The following JMJD6 variants were observed in gnomAD, a reference collection of about 807,000 sequenced individuals.
JMJD6 encodes the protein jumonji domain containing 6, arginine demethylase and lysine hydroxylase.
Under a neutral mutation model 45.8 loss-of-function variants are expected in JMJD6, and 17 were observed. The ratio of observed to expected loss-of-function variants is 0.37; its 90% CI spans 0.25 to 0.56. JMJD6 has a LOEUF of 0.56. Among genes scored for constraint, JMJD6 ranks in the 20% least tolerant of loss-of-function variants. The pLI is 0.79. For synonymous variants in JMJD6, 221 were observed against 196.3 expected (o/e 1.13, Z -1.05); for missense variants, 470 against 517.5 (o/e 0.91, Z 0.89).
intron 1 of JMJD6, 143 bp downstream of exon 1, chr17:76,726,204 G>A (rs2076928499): frequency 8.6e-7 from 1 of 1,168,248 alleles, no homozygotes; most frequent in African/African-American, 1.6e-5. Flanking sequence ...CGCGCCTCGG[G>A]GACCCCAAAC....
chr17:76,725,343 T>A, intron 2 of JMJD6, 124 bp downstream of exon 2: 1 of 902,574 alleles, frequency 1.1e-6, no homozygotes, highest in South Asian at 1.9e-5. Flanking sequence ...GAGATGGAGG[T>A]TGCTGTGAGC....
intron 3 of JMJD6, among the ~76,000 whole-genome samples, chr17:76,722,523 T>G (rs1384646984): frequency 6.6e-6 from 1 of 151,914 alleles, no homozygotes; most frequent in Non-Finnish European, 1.5e-5. Context: ...CCAGCCTGGG[T>G]AACAGTGAGA....
chr17:76,724,341 C>T (rs919851004), intron 2 of JMJD6, among the ~76,000 whole-genome samples: 5 of 151,692 alleles, frequency 3.3e-5, no homozygotes, highest in Admixed American at 6.6e-5. Flanking sequence ...AGGCTGGTCT[C>T]GAACTCCTGG....
rs914783618 is a variant in JMJD6, at chr17:76,718,474, T to C, written c.*255A>G. On this transcript the variant is annotated 3_prime_UTR_variant, in exon 6 of 6. Coordinates refer to ENST00000397625, the MANE Select transcript of JMJD6 (RefSeq NM_015167.3). ...GATAGAAAATGGATTCAATTTTTAT[T>C]AAATAATGTAAAGGATTTTCTTGGC... 2 of 1,308,520 alleles carry C rather than the reference T, an allele frequency of 1.5e-6. No homozygotes were observed. Among genetic ancestry groups the C allele is most frequent in the Non-Finnish European group, 1.9e-6 (2 of 1,032,982 alleles). 81.1% of individuals were successfully genotyped at this position (1,308,520 alleles called of 1,614,324 possible).
chr17:76,714,624 C>A (rs2076751750), downstream of JMJD6: 2 of 152,346 alleles, frequency 1.3e-5, no homozygotes, highest in African/African-American at 4.8e-5. Flanking sequence ...CTGCTGAATC[C>A]CTGGCCTGGC....
downstream of JMJD6, chr17:76,716,672 G>C (rs748189143): frequency 5.6e-6 from 9 of 1,613,970 alleles, no homozygotes; most frequent in Non-Finnish European, 7.6e-6. Context: ...CTCAGGGAGA[G>C]TCTCTTTATC....
Position 76,725,788 on chromosome 17 carries a change from G to A in JMJD6, c.197C>T (p.Pro66Leu). The A allele has an allele frequency of 6.2e-7, 1 of 1,613,842 alleles. No homozygotes were observed. The highest frequency in any genetic ancestry group is 8.5e-7 in the Non-Finnish European group (1 of 1,180,006). The change falls in exon 2 of 6, where the codon CCT (proline) becomes CTT (leucine). Residue 66 changes from proline to leucine, a missense_variant. By Grantham distance (98) the Pro-to-Leu change is moderately conservative (BLOSUM62 -3). Around this residue, in one of 4 missense-constraint regions of JMJD6, gnomAD observed 346 missense variants for 339.5 expected, o/e 1.02. Transcript: ENST00000397625. ...VEEFVERYER[P>L]YKPVVLLNAQ... ...ATTCAACAAAACCACGGGCTTGTAAGGTCTTTCATACCGCTCCACAAATTC... is the reference window on the plus strand; with the variant it reads ...ATTCAACAAAACCACGGGCTTGTAAAGTCTTTCATACCGCTCCACAAATTC...
At chr17:76,724,973 G>A (rs985884381) in intron 2 of JMJD6, among the ~76,000 whole-genome samples, 75 of 152,256 alleles carry the variant, frequency 4.9e-4, no homozygotes, top group Middle Eastern at 6.8e-3. Flanking sequence ...GGCATCACCC[G>A]AATTAAATCA....
At chr17:76,713,691 C>A (rs1207834875), downstream of JMJD6, 1 of 152,200 alleles carries the variant, frequency 6.6e-6, no homozygotes, top group African/African-American at 2.4e-5. Context: ...CCATCCTATA[C>A]TCGTCTAAAG....
At chr17:76,716,563 G>A (rs2076765572), downstream of JMJD6, 1 of 874,184 alleles carries the variant, frequency 1.1e-6, no homozygotes, top group Non-Finnish European at 1.9e-6. Flanking sequence ...CTTGGACCAG[G>A]GAAGGAATAT....
rs1464141406 is a variant in JMJD6, at chr17:76,718,672, C to T, written c.*57G>A. On this transcript the variant is annotated 3_prime_UTR_variant, in exon 6 of 6. Coordinates refer to ENST00000397625, the MANE Select transcript of JMJD6 (RefSeq NM_015167.3). ...TGCAGGACTGGACAGGCCACCCTCC[C>T]CAGGCCCTGCCCTTGCCGCGAGCGT... The T allele has an allele frequency of 7.6e-6, 12 of 1,587,554 alleles. No individual in the cohort carries two copies. The East Asian group carries it at 2.5e-4, about 33-fold the overall frequency.
chr17:76,726,572 T>C lies in JMJD6; in HGVS notation c.-97A>G, dbSNP rs2143762632. On this transcript the variant is annotated 5_prime_UTR_variant, in exon 1 of 6. Coordinates refer to ENST00000397625, the MANE Select transcript of JMJD6 (RefSeq NM_015167.3). Reference sequence around the variant, plus strand: ...CCGGCCTGGGCGGCGGCGACGGCAGTACCCAAACGCCCTTCGCTCAGTCCC... The same window carrying C: ...CCGGCCTGGGCGGCGGCGACGGCAGCACCCAAACGCCCTTCGCTCAGTCCC... The C allele has an allele frequency of 6.9e-7, 1 of 1,445,686 alleles. No individual in the cohort carries two copies. 89.6% of individuals were successfully genotyped at this position (1,445,686 alleles called of 1,614,324 possible).
intron 4 of JMJD6, among the ~76,000 whole-genome samples, 192 bp downstream of exon 4, chr17:76,721,606 C>G (rs1236271723): frequency 1.3e-5 from 2 of 152,192 alleles, no homozygotes; most frequent in Non-Finnish European, 2.9e-5. Context: ...ACCCTGCCAC[C>G]TCGAGGCTGG....
chr17:76,720,586 G>A (rs536017525), intron 4 of JMJD6, 88 bp from the exon 5 acceptor site: 2 of 1,348,038 alleles, frequency 1.5e-6, no homozygotes, highest in Non-Finnish European at 2.1e-6. Flanking sequence ...GTGTCTCTCA[G>A]AAACACCTGG....
Position 76,726,498 on chromosome 17 carries a change from C to T in JMJD6, c.-23G>A. 5.1e-6 allele frequency: 8 copies of T among 1,580,320 alleles called. No individual in the cohort carries two copies. Among genetic ancestry groups the T allele is most frequent in the Non-Finnish European group, 6.0e-6 (7 of 1,164,178 alleles). On this transcript the variant is annotated 5_prime_UTR_variant, in exon 1 of 6. Coordinates refer to ENST00000397625, the MANE Select transcript of JMJD6 (RefSeq NM_015167.3). ...CATTCTGCGGGGTCGCCAGCTGGTT[C>T]CGCTACGACCTCGGCGCAGCCCGCT...
At chr17:76,713,646 A>G (rs1353395188), downstream of JMJD6, 1 of 152,220 alleles carries the variant, frequency 6.6e-6, no homozygotes, top group Non-Finnish European at 1.5e-5. Context: ...TTCCTCCTAC[A>G]CAGCATTTTT....
chr17:76,726,397 T>G lies in JMJD6; in HGVS notation c.79A>C (p.Thr27Pro). The change falls in exon 1 of 6, where the codon ACC (threonine) becomes CCC (proline). Residue 27 changes from threonine to proline, a missense_variant. By Grantham distance (38) the Thr-to-Pro change is conservative. Coordinates refer to ENST00000397625, the MANE Select transcript of JMJD6 (RefSeq NM_015167.3). Reference protein sequence around the residue: ...RPELKDSLDWTRHNYYESFSL... With the variant: ...RPELKDSLDWPRHNYYESFSL... ...AAGCTCTCGTAGTAGTTGTGCCGGG[T>G]CCAATCCAGCGAGTCCTTGAGCTCC... The G allele has an allele frequency of 6.2e-7, 1 of 1,605,244 alleles. No individual in the cohort carries two copies. The highest frequency in any genetic ancestry group is 8.5e-7 in the Non-Finnish European group (1 of 1,176,744).
At position 76,725,492 on chromosome 17, in the gene JMJD6, C is replaced by T. The variant is rs1397907436; in HGVS notation, c.493G>A (p.Gly165Arg). 13 of 1,613,622 alleles carry T rather than the reference C, an allele frequency of 8.1e-6. No individual in the cohort carries two copies. The highest frequency in any genetic ancestry group is 1.1e-5 in the Non-Finnish European group (13 of 1,179,886). Residue 165 changes from glycine (G) to arginine (R), a missense_variant, in exon 2 of 6, where the codon GGG (glycine) becomes AGG (arginine). Gly to Arg is a moderately radical substitution (Grantham distance 125, BLOSUM62 -2). Coordinates refer to ENST00000397625, the MANE Select transcript of JMJD6 (RefSeq NM_015167.3). ...CTGTAAGGGGGCCTGCGCTTCTCCC[C>T]AGCATACTGGAAAAGGTCATCAGTG... The part of the protein sequence containing the change: ...FFTDDLFQYA[G>R]EKRRPPYRWF...
At chr17:76,719,517 G>C (rs1002634652) in intron 5 of JMJD6, among the ~76,000 whole-genome samples, 2 of 152,162 alleles carry the variant, frequency 1.3e-5, no homozygotes, top group African/African-American at 2.4e-5. Context: ...TTGAACTCCT[G>C]ACCTCAAGTA....
Sources: allele counts gnomAD v4.1 joint callset (sites outside exome capture counted in the v4.1 genomes callset), GRCh38; gene constraint gnomAD v4.1.1; regional missense constraint gnomAD v4.1.1; transcripts MANE v1.5; gene names NCBI Gene and HGNC (gene_info 2026-07-23, HGNC 2026-07-21).